EDEM3: variants seen among roughly 807,000 people sequenced by gnomAD.
EDEM3 encodes the protein ER degradation enhancing alpha-mannosidase like protein 3.
EDEM3 carries 60 observed loss-of-function variants against 110.2 expected under a neutral mutation model. That is an observed-to-expected ratio of 0.54 (90% CI 0.44 to 0.67). The LOEUF (loss-of-function observed/expected upper bound fraction) is 0.67, where lower values mean the gene tolerates loss of function less well. Ranked by LOEUF, EDEM3 falls within the 30% of genes least tolerant of loss-of-function variation. EDEM3 has a pLI of 0.00. For synonymous variants in EDEM3, 352 were observed against 382.9 expected (o/e 0.92, Z 0.94); for missense variants, 996 against 1,121.0 (o/e 0.89, Z 1.59).
At position 184,690,940 on chromosome 1, in the gene EDEM3, TG is replaced by T. The variant is rs943779527; in HGVS notation, c.*3122del. On this transcript the variant is annotated 3_prime_UTR_variant, in exon 20 of 20. Coordinates refer to ENST00000318130, the MANE Select transcript of EDEM3 (RefSeq NM_025191.4). The stretch of plus-strand genomic sequence containing the variant: ...AGCTTTCTTCATGATGAATTTGGCA[TG>T]GGGTTTGGTGAGAGAACAAATGTTG... 6.6e-6 allele frequency: 1 copy of T among 151,938 alleles called. No homozygotes were observed. The highest frequency in any genetic ancestry group is 1.5e-5 in the Non-Finnish European group (1 of 67,880). 9.4% of individuals were successfully genotyped at this position (151,938 alleles called of 1,614,324 possible).
intron 2 of EDEM3, 50 bp downstream of exon 2, chr1:184,749,497 A>T (rs1464074516): frequency 1.5e-6 from 2 of 1,361,662 alleles, no homozygotes; most frequent in Admixed American, 2.2e-5. Flanking sequence ...CTGTGCTCAC[A>T]TAATAATCAA....
chr1:184,697,905 AC>A (rs1305830315), intron 19 of EDEM3, among the ~76,000 whole-genome samples: 1 of 151,204 alleles, frequency 6.6e-6, no homozygotes, highest in East Asian at 1.9e-4. Flanking sequence ...TGTGTGTGTA[AC>A]CTCTGTCCCT....
intron 2 of EDEM3, among the ~76,000 whole-genome samples, chr1:184,745,236 G>C (rs762392173): frequency 5.3e-5 from 8 of 152,068 alleles, no homozygotes; most frequent in Non-Finnish European, 1.0e-4. Context: ...AGAATTTCTT[G>C]TGTAATTTTG....
At chr1:184,744,396 C>T (rs943732148) in intron 2 of EDEM3, among the ~76,000 whole-genome samples, 4 of 150,650 alleles carry the variant, frequency 2.7e-5, no homozygotes, top group African/African-American at 9.7e-5. Flanking sequence ...AACAGAATGG[C>T]TGAAATTAGT....
chr1:184,740,781 G>A (rs571268336), intron 2 of EDEM3, among the ~76,000 whole-genome samples: 2 of 152,290 alleles, frequency 1.3e-5, no homozygotes, highest in Admixed American at 1.3e-4. Context: ...CCATTCAAGA[G>A]ACTACAGATA....
intron 1 of EDEM3, among the ~76,000 whole-genome samples, chr1:184,752,294 C>T (rs1652813372): frequency 6.6e-6 from 1 of 151,990 alleles, no homozygotes; most frequent in Non-Finnish European, 1.5e-5. Context: ...TCTTTATCAA[C>T]TATTTGGTTT....
At chr1:184,695,337 C>A (rs1649273619) in intron 19 of EDEM3, among the ~76,000 whole-genome samples, 2 of 151,900 alleles carry the variant, frequency 1.3e-5, no homozygotes, top group Admixed American at 1.3e-4. Context: ...CCTTATGGGT[C>A]TTATAGTCCA....
At chr1:184,728,961 GC>G (rs1166698977) in intron 6 of EDEM3, among the ~76,000 whole-genome samples, 13 of 152,022 alleles carry the variant, frequency 8.6e-5, no homozygotes, top group African/African-American at 3.1e-4. Flanking sequence ...CATCCAAGAG[GC>G]ACTACCATTT....
At chr1:184,751,698 T>C (rs1652777089) in intron 1 of EDEM3, among the ~76,000 whole-genome samples, 1 of 152,242 alleles carries the variant, frequency 6.6e-6, no homozygotes, top group Non-Finnish European at 1.5e-5. Flanking sequence ...TAAAATGTAT[T>C]GGAAATCAGA....
rs763506393 is a variant in EDEM3, at chr1:184,702,933, T to C, written c.2267A>G (p.Asp756Gly). The C allele has an allele frequency of 3.1e-6, 5 of 1,613,456 alleles. No individual in the cohort carries two copies. The African/African-American group carries it at 6.7e-5, about 22-fold the overall frequency. The change falls in exon 19 of 20, where the codon GAT becomes GGT. Residue 756 changes from aspartate to glycine, a missense_variant. Coordinates refer to ENST00000318130, the MANE Select transcript of EDEM3 (RefSeq NM_025191.4). Reference protein sequence around the residue: ...PLFQMAGDGKDTDDIKIPMLF... With the variant: ...PLFQMAGDGKGTDDIKIPMLF... ...CATGGGGATCTTGATGTCATCTGTA[T>C]CCTTTCCATCACCTGCCATCTGGAA...
chr1:184,717,613 G>C lies in EDEM3; in HGVS notation c.1172C>G (p.Thr391Arg). ...KHNFLPEAFT[T>R]DFRVHWAQHP... Reference sequence around the variant, plus strand: ...TTGAGCCCAGTGTACTCTGAAATCTGTGGTAAATGCCTGAACAAAACAACA... The same window carrying C: ...TTGAGCCCAGTGTACTCTGAAATCTCTGGTAAATGCCTGAACAAAACAACA... The change falls in exon 12 of 20, where the codon ACA becomes AGA. Residue 391 changes from threonine to arginine, a missense_variant. Transcript: ENST00000318130. 1 of 1,601,110 alleles carries C rather than the reference G, an allele frequency of 6.2e-7. No homozygotes were observed. Among genetic ancestry groups the C allele is most frequent in the Non-Finnish European group, 8.5e-7 (1 of 1,175,134 alleles).
At chr1:184,733,450 AGAG>A (rs1215736436) in intron 5 of EDEM3, among the ~76,000 whole-genome samples, 2 of 152,242 alleles carry the variant, frequency 1.3e-5, no homozygotes, top group Non-Finnish European at 2.9e-5. Flanking sequence ...ACTTTGACAA[AGAG>A]GAGTTACAAT....
chr1:184,691,435 G>A lies in EDEM3; in HGVS notation c.*2628C>T, dbSNP rs1012049023. ...AGCTAAAATCCTTGATTCCAGATTT[G>A]TAAACATTATATAAATCTTTCTTAA... On this transcript the variant is annotated 3_prime_UTR_variant, in exon 20 of 20. Transcript: ENST00000318130. 1 of 152,412 alleles carries A rather than the reference G, an allele frequency of 6.6e-6. No homozygotes were observed. Among genetic ancestry groups the A allele is most frequent in the African/African-American group, 2.4e-5 (1 of 41,402 alleles). 9.4% of individuals were successfully genotyped at this position (152,412 alleles called of 1,614,324 possible). A position where few individuals can be genotyped will look rare whatever the true frequency, so the allele number is the denominator to read the frequency against.
intron 13 of EDEM3, among the ~76,000 whole-genome samples, chr1:184,714,702 T>C (rs1174126249): frequency 1.3e-5 from 2 of 152,164 alleles, no homozygotes; most frequent in Non-Finnish European, 2.9e-5. Flanking sequence ...TGAAAACTGG[T>C]AGTTTAGCTA....
intron 8 of EDEM3, among the ~76,000 whole-genome samples, chr1:184,722,385 T>C (rs1465531448): frequency 6.6e-6 from 1 of 152,016 alleles, no homozygotes; most frequent in African/African-American, 2.4e-5. Context: ...TTCACAGATG[T>C]AGGAAAATAT....
chr1:184,710,847 G>A (rs1034205987), intron 15 of EDEM3, among the ~76,000 whole-genome samples: 7 of 152,092 alleles, frequency 4.6e-5, no homozygotes, highest in Admixed American at 2.0e-4. Flanking sequence ...TACTATTGAT[G>A]TTATCCTTTA....
chr1:184,715,436 C>T (rs558942507), intron 13 of EDEM3, among the ~76,000 whole-genome samples: 1 of 152,290 alleles, frequency 6.6e-6, no homozygotes, highest in East Asian at 1.9e-4. Flanking sequence ...TCACTAACTA[C>T]AAGTCATGGG....
In EDEM3 at chr1:184,702,794, T is replaced by G. The variant is rs772672686; in HGVS notation, c.2389+17A>C. 1.3e-6 allele frequency: 2 copies of G among 1,508,590 alleles called. No individual in the cohort carries two copies. Among genetic ancestry groups the G allele is most frequent in the Non-Finnish European group, 1.8e-6 (2 of 1,127,670 alleles). The allele number at this position is 1,508,590 out of a possible 1,614,324, so 93.5% of individuals were successfully genotyped here. ...ATATTACGCTGCATAAAAAAACAAA[T>G]GGTATTTTACTCTTACCTCGATCTT... On this transcript the variant is annotated intron_variant, in intron 19 of 19. Transcript: ENST00000318130.
chr1:184,709,939 G>C (rs535096141), intron 16 of EDEM3, among the ~76,000 whole-genome samples: 1 of 152,224 alleles, frequency 6.6e-6, no homozygotes, highest in East Asian at 1.9e-4. Context: ...TTCTCAAAAA[G>C]ACATGTTATT....
Sources: gnomAD v4.1 joint callset for allele counts (sites outside exome capture counted in the v4.1 genomes callset) on GRCh38, gnomAD v4.1.1 for gene constraint, MANE v1.5 for transcripts, NCBI Gene and HGNC (gene_info 2026-07-23, HGNC 2026-07-21) for gene names.